The following TBC1D9 variants were observed in gnomAD, a reference collection of about 807,000 sequenced individuals.
TBC1D9 encodes the protein TBC1 domain family member 9A.
Under a neutral mutation model 132.0 loss-of-function variants are expected in TBC1D9, and 63 were observed. The observed-to-expected ratio is 0.48, with a 90% CI of 0.39 to 0.59. The LOEUF is 0.59. TBC1D9 is among the 20% of genes least tolerant of loss of function. The pLI is 0.00. For missense variants in TBC1D9, 1,261 were observed against 1,592.7 expected (o/e 0.79, Z 3.54); for synonymous variants, 610 against 609.9 (o/e 1.00, Z 0.00).
chr4:140,742,553 A>G (rs1163517269), intron 1 of TBC1D9, among the ~76,000 whole-genome samples: 1 of 151,296 alleles, frequency 6.6e-6, no homozygotes, highest in African/African-American at 2.4e-5. Flanking sequence ...AAAAAAAAAA[A>G]AAAGACTGAC....
chr4:140,708,583 C>A (rs1738181994), intron 1 of TBC1D9, among the ~76,000 whole-genome samples: 1 of 152,038 alleles, frequency 6.6e-6, no homozygotes, highest in African/African-American at 2.4e-5. Flanking sequence ...GGCCAGGGGA[C>A]CAAGGGAGGG....
chr4:140,685,432 G>A (rs1594375), intron 3 of TBC1D9, among the ~76,000 whole-genome samples: 19,029 of 152,018 alleles, frequency 0.13, 1,371 homozygotes, highest in Non-Finnish European at 0.16. Flanking sequence ...AATATCTGAC[G>A]AAATGCAAAA....
In TBC1D9 at chr4:140,679,085, G is replaced by A. The variant is rs1737667272; in HGVS notation, c.708C>T (p.Leu236=). The A allele has an allele frequency of 1.2e-6, 2 of 1,613,926 alleles. No homozygotes were observed. The highest frequency in any genetic ancestry group is 1.7e-4 in the Middle Eastern group (1 of 6,060). Residue 236 remains leucine (L), a synonymous_variant, in exon 5 of 21, where the codon CTC becomes CTT. Transcript: ENST00000442267. The stretch of plus-strand genomic sequence containing the variant: ...TTAACTTGAAGGTCTCGTTGATGTT[G>A]AGGAATACAGAGAAGAAATGCTCAC... ...RSSEHFFSVF[L]NINETFKLME...
chr4:140,670,971 C>T, intron 6 of TBC1D9, 45 bp from the exon 7 acceptor site: 1 of 1,551,698 alleles, frequency 6.4e-7, no homozygotes, highest in South Asian at 1.1e-5. Flanking sequence ...CCAAGAATTA[C>T]CCAATAGCAG....
At chr4:140,624,907 C>T (rs542927070) in intron 18 of TBC1D9, among the ~76,000 whole-genome samples, 4 of 152,234 alleles carry the variant, frequency 2.6e-5, no homozygotes, top group African/African-American at 9.6e-5. Flanking sequence ...GAAAAATTAG[C>T]CGGATGTGGT....
chr4:140,643,724 C>T (rs1291761344), intron 13 of TBC1D9: 3 of 1,217,778 alleles, frequency 2.5e-6, no homozygotes, highest in African/African-American at 1.5e-5. Flanking sequence ...AGGGTTCTGT[C>T]CGGCCCGGGG....
At chr4:140,729,903 T>C (rs1486044142) in intron 1 of TBC1D9, among the ~76,000 whole-genome samples, 10 of 151,932 alleles carry the variant, frequency 6.6e-5, no homozygotes, top group Admixed American at 1.3e-4. Flanking sequence ...TGTCTTTTTT[T>C]CCCCCAGGGG....
intron 1 of TBC1D9, among the ~76,000 whole-genome samples, chr4:140,752,362 A>T (rs1578868376): frequency 1.4e-5 from 1 of 70,082 alleles, no homozygotes; most frequent in African/African-American, 6.0e-5. Flanking sequence ...TTCTTGCTTA[A>T]AAAAAAAAGC....
intron 9 of TBC1D9, 147 bp downstream of exon 9, chr4:140,668,770 A>G (rs1466511599): frequency 3.6e-6 from 3 of 836,452 alleles, no homozygotes; most frequent in Admixed American, 6.0e-5. Flanking sequence ...GAGGAACTTC[A>G]ATACTCTGGT....
At chr4:140,670,627 G>A (rs1250755665) in intron 7 of TBC1D9, 93 bp downstream of exon 7, 2 of 1,023,066 alleles carry the variant, frequency 2.0e-6, no homozygotes, top group African/African-American at 1.6e-5. Context: ...CAGACGCAAA[G>A]CTTGAAGATC....
intron 1 of TBC1D9, among the ~76,000 whole-genome samples, chr4:140,717,755 T>C (rs541432167): frequency 3.7e-4 from 57 of 152,262 alleles, no homozygotes; most frequent in Middle Eastern, 3.4e-3. Flanking sequence ...CAAGTATGTG[T>C]TTCATGTTCT....
chr4:140,697,274 T>C (rs1291562986), intron 2 of TBC1D9, among the ~76,000 whole-genome samples: 1 of 152,004 alleles, frequency 6.6e-6, no homozygotes, highest in Non-Finnish European at 1.5e-5. Flanking sequence ...CCCAGCTACC[T>C]GGGAGGTGGA....
chr4:140,634,305 A>C, intron 15 of TBC1D9, 117 bp from the exon 16 acceptor site: 4 of 1,430,636 alleles, frequency 2.8e-6, no homozygotes, highest in Non-Finnish European at 3.7e-6. Context: ...CCCCTGGGGC[A>C]GGGCTGTGGC....
intron 1 of TBC1D9, among the ~76,000 whole-genome samples, chr4:140,742,310 G>A (rs1738771123): frequency 6.6e-6 from 1 of 152,094 alleles, no homozygotes; most frequent in East Asian, 1.9e-4. Flanking sequence ...GAGGCAGGTG[G>A]ATTATGAGGT....
At chr4:140,753,620 C>T (rs1027081004) in intron 1 of TBC1D9, among the ~76,000 whole-genome samples, 19 of 152,326 alleles carry the variant, frequency 1.2e-4, no homozygotes, top group African/African-American at 4.6e-4. Flanking sequence ...GTTCAAATAA[C>T]CATGCCTCTA....
rs1473536586 is a variant in TBC1D9 at position 140,639,136 on chromosome 4, C to T, written c.2455G>A (p.Glu819Lys). 6.3e-7 allele frequency: 1 copy of T among 1,586,474 alleles called. No homozygotes were observed. The highest frequency in any genetic ancestry group is 2.3e-5 in the East Asian group (1 of 44,164). The change falls in exon 15 of 21, where the codon GAA (glutamate) becomes AAA (lysine). Residue 819 changes from glutamate (E) to lysine (K), a missense_variant. Coordinates refer to ENST00000442267, the MANE Select transcript of TBC1D9 (RefSeq NM_015130.3). ...KRNVVRTIVT[E>K]TSFTIDELEE... ...AGCTCATCAATGGTAAAGGAAGTTT[C>T]TGTCACAATGGTTCGTACCTATAAA...
At chr4:140,705,304 C>T (rs1310536030) in intron 1 of TBC1D9, among the ~76,000 whole-genome samples, 2 of 152,166 alleles carry the variant, frequency 1.3e-5, no homozygotes, top group Admixed American at 6.5e-5. Flanking sequence ...ACTCTTCCTC[C>T]CAGTTCTGCC....
chr4:140,643,236 C>A (rs796618787), intron 13 of TBC1D9: 2 of 1,331,966 alleles, frequency 1.5e-6, no homozygotes, highest in African/African-American at 1.5e-5. Flanking sequence ...CTTCTTGCTC[C>A]TCCTCTCCAG....
chr4:140,696,604 A>C (rs911666058), intron 2 of TBC1D9, among the ~76,000 whole-genome samples: 2 of 152,176 alleles, frequency 1.3e-5, no homozygotes, highest in South Asian at 4.1e-4. Flanking sequence ...AAGATGGTCC[A>C]AAACAGTCCT....
Sources: allele counts gnomAD v4.1 joint callset (sites outside exome capture counted in the v4.1 genomes callset), GRCh38; gene constraint gnomAD v4.1.1; transcripts MANE v1.5; gene names NCBI Gene and HGNC (gene_info 2026-07-23, HGNC 2026-07-21).